NKAIN3: variants seen among roughly 807,000 people sequenced by gnomAD.
NKAIN3 encodes the protein sodium/potassium transporting ATPase interacting 3, also known as sodium/potassium-transporting ATPase subunit beta-1-interacting protein 3.
A neutral mutation model predicts 30.2 loss-of-function variants in NKAIN3; 25 were observed. The observed-to-expected ratio is 0.83, with a 90% CI of 0.60 to 1.16. NKAIN3 has a LOEUF of 1.16. Ranked by LOEUF, NKAIN3 falls within the 50% of genes most tolerant of loss-of-function variation. The pLI, the probability that NKAIN3 is intolerant of heterozygous loss-of-function variation, is 0.00. For synonymous variants in NKAIN3, 91 were observed against 89.6 expected, an observed-to-expected ratio of 1.02 and a Z score of -0.09; for missense variants, 225 against 254.1, an observed-to-expected ratio of 0.89 and a Z score of 0.78.
At chr8:62,325,350 A>G (rs555310361) in intron 1 of NKAIN3, among the ~76,000 whole-genome samples, 32 of 152,194 alleles carry the variant, frequency 2.1e-4, no homozygotes, top group African/African-American at 5.1e-4. Context: ...CATGGTGTAT[A>G]TGTATCACAT....
At chr8:62,666,779 A>G (rs2130374831) in intron 3 of NKAIN3, among the ~76,000 whole-genome samples, 1 of 152,196 alleles carries the variant, frequency 6.6e-6, no homozygotes, top group Admixed American at 6.5e-5. Context: ...AAGTTCCTAC[A>G]AGGAATCCTT....
chr8:62,438,317 T>G (rs1805229223), intron 1 of NKAIN3, among the ~76,000 whole-genome samples: 1 of 152,202 alleles, frequency 6.6e-6, no homozygotes, highest in African/African-American at 2.4e-5. Context: ...TGCTTTCTCT[T>G]TGTTTATATT....
At chr8:62,502,157 C>T (rs979237602) in intron 1 of NKAIN3, among the ~76,000 whole-genome samples, 1 of 151,642 alleles carries the variant, frequency 6.6e-6, no homozygotes, top group African/African-American at 2.4e-5. Flanking sequence ...TAAATTCATT[C>T]CTCCCTCTCT....
intron 1 of NKAIN3, among the ~76,000 whole-genome samples, chr8:62,574,066 T>G (rs1220296116): frequency 6.6e-6 from 1 of 152,192 alleles, no homozygotes; most frequent in Non-Finnish European, 1.5e-5. Flanking sequence ...CATTCTGCTC[T>G]CTGTCTCCAT....
chr8:62,774,497 A>C (rs1817124560), intron 4 of NKAIN3, among the ~76,000 whole-genome samples: 1 of 152,186 alleles, frequency 6.6e-6, no homozygotes, highest in South Asian at 2.1e-4. Context: ...TTTTAGAGGA[A>C]AAGCTTTCAA....
At chr8:62,802,679 A>G (rs192917490) in intron 4 of NKAIN3, among the ~76,000 whole-genome samples, 22 of 152,368 alleles carry the variant, frequency 1.4e-4, no homozygotes, top group South Asian at 4.1e-4. Flanking sequence ...TGTAAAGACC[A>G]TCGAGGCTAG....
At chr8:62,848,807 T>C (rs1819770558) in intron 4 of NKAIN3, among the ~76,000 whole-genome samples, 2 of 152,092 alleles carry the variant, frequency 1.3e-5, no homozygotes, top group South Asian at 2.1e-4. Context: ...GTTTGTCATG[T>C]GTGGCTCTTA....
chr8:62,467,624 C>T (rs1234266478), intron 1 of NKAIN3, among the ~76,000 whole-genome samples: 2 of 152,062 alleles, frequency 1.3e-5, no homozygotes, highest in Non-Finnish European at 2.9e-5. Flanking sequence ...TCCAGGTCTC[C>T]TTTAAAATCA....
At position 62,978,681 on chromosome 8, in the gene NKAIN3, C is replaced by T. The variant is rs1323192462; in HGVS notation, c.*13274C>T. The T allele has an allele frequency of 6.5e-6, 1 of 152,864 alleles. No individual in the cohort carries two copies. The highest frequency in any genetic ancestry group is 2.4e-5 in the African/African-American group (1 of 41,430). 9.5% of individuals were successfully genotyped at this position (152,864 alleles called of 1,614,324 possible). A position where few individuals can be genotyped will look rare whatever the true frequency, so the allele number is the denominator to read the frequency against. On this transcript the variant is annotated 3_prime_UTR_variant, in exon 7 of 7. Transcript: ENST00000623646. ...TGGGGGTGGGATCTACTGATCAAGACCACTTGGCTCCCTGGTTTCAGCCCC... is the reference window on the plus strand; with the variant it reads ...TGGGGGTGGGATCTACTGATCAAGATCACTTGGCTCCCTGGTTTCAGCCCC...
chr8:62,939,271 G>A (rs1412019777), intron 5 of NKAIN3, among the ~76,000 whole-genome samples: 2 of 152,274 alleles, frequency 1.3e-5, no homozygotes, highest in African/African-American at 4.8e-5. Flanking sequence ...ACAGCCAAAC[G>A]TAAGAATAAT....
At chr8:62,664,030 C>A (rs1001258244) in intron 3 of NKAIN3, among the ~76,000 whole-genome samples, 1 of 152,026 alleles carries the variant, frequency 6.6e-6, no homozygotes, top group Non-Finnish European at 1.5e-5. Flanking sequence ...CTGGGCCCTA[C>A]CCTGAATACC....
intron 4 of NKAIN3, among the ~76,000 whole-genome samples, chr8:62,889,461 T>G (rs747024965): frequency 1.3e-5 from 2 of 152,080 alleles, no homozygotes; most frequent in Non-Finnish European, 2.9e-5. Context: ...AATAATGTAA[T>G]ATAGTATTGC....
intron 1 of NKAIN3, among the ~76,000 whole-genome samples, chr8:62,408,238 A>G (rs998318338): frequency 2.0e-5 from 3 of 152,224 alleles, no homozygotes; most frequent in Admixed American, 2.0e-4. Context: ...TTTAAGTGGA[A>G]TCATAATCTC....
At chr8:62,460,268 C>T (rs922741249) in intron 1 of NKAIN3, among the ~76,000 whole-genome samples, 4 of 151,730 alleles carry the variant, frequency 2.6e-5, no homozygotes, top group East Asian at 1.9e-4. Context: ...AAAAATTAGC[C>T]GGGTGTGGTG....
At chr8:62,739,637 C>T (rs1015124429) in intron 3 of NKAIN3, among the ~76,000 whole-genome samples, 2 of 151,934 alleles carry the variant, frequency 1.3e-5, no homozygotes, top group Admixed American at 6.6e-5. Context: ...ATCCCTCTAC[C>T]TGTTAAATGG....
At chr8:62,285,190 C>T (rs549073185) in intron 1 of NKAIN3, among the ~76,000 whole-genome samples, 4 of 152,216 alleles carry the variant, frequency 2.6e-5, no homozygotes, top group East Asian at 3.9e-4. Flanking sequence ...GAAAAGAAAA[C>T]GTCACTGTAA....
At chr8:62,434,306 C>T (rs1183408660) in intron 1 of NKAIN3, among the ~76,000 whole-genome samples, 1 of 152,142 alleles carries the variant, frequency 6.6e-6, no homozygotes, top group East Asian at 1.9e-4. Context: ...GTCTCAACCT[C>T]ATTTCTCCTT....
At chr8:62,265,349 G>A (rs1812570829) in intron 1 of NKAIN3, among the ~76,000 whole-genome samples, 2 of 152,144 alleles carry the variant, frequency 1.3e-5, no homozygotes, top group South Asian at 4.1e-4. Context: ...GTGTTGTGAT[G>A]CTTATGGAAG....
At chr8:62,613,175 A>G (rs183313794) in intron 3 of NKAIN3, among the ~76,000 whole-genome samples, 57 of 152,238 alleles carry the variant, frequency 3.7e-4, no homozygotes, top group Non-Finnish European at 5.9e-4. Context: ...TGATTGAAGT[A>G]CTTTCTTTAG....
Sources: allele counts gnomAD v4.1 joint callset (sites outside exome capture counted in the v4.1 genomes callset), GRCh38; gene constraint gnomAD v4.1.1; transcripts MANE v1.5; gene names NCBI Gene and HGNC (gene_info 2026-07-23, HGNC 2026-07-21).